Variants in CACNA1B observed in about 807,000 individuals in gnomAD.
CACNA1B encodes calcium voltage-gated channel subunit alpha1 B.
Under a neutral mutation model 247.2 loss-of-function variants are expected in CACNA1B, and 70 were observed. The observed-to-expected ratio is 0.28, with a 90% CI of 0.23 to 0.35. The LOEUF (loss-of-function observed/expected upper bound fraction) is 0.35, where lower values mean the gene tolerates loss of function less well. Among genes scored for constraint, CACNA1B ranks in the 10% least tolerant of loss-of-function variants. CACNA1B has a pLI of 1.00. For synonymous variants in CACNA1B, 1,231 were observed against 1,294.4 expected, an observed-to-expected ratio of 0.95 and a Z score of 1.05; for missense variants, 2,367 against 3,197.4, an observed-to-expected ratio of 0.74 and a Z score of 6.26.
At chr9:138,111,792 A>G (rs532693081) in intron 39 of CACNA1B, among the ~76,000 whole-genome samples, 6 of 147,964 alleles carry the variant, frequency 4.1e-5, no homozygotes, top group Non-Finnish European at 7.4e-5. Context: ...CAGCAGGGCC[A>G]GTGTACTCGG....
At chr9:137,908,676 G>T (rs1288830154) in intron 3 of CACNA1B, among the ~76,000 whole-genome samples, 1 of 151,802 alleles carries the variant, frequency 6.6e-6, no homozygotes, top group Non-Finnish European at 1.5e-5. Flanking sequence ...TGTCGCCCAG[G>T]CTTGACTGCA....
Position 137,974,730 on chromosome 9 carries a change from A to C in CACNA1B, c.1544-1177A>C, listed in dbSNP as rs1169074089. Among the ~76,000 whole-genome samples, 1 of 152,178 alleles carries C rather than the reference A, an allele frequency of 6.6e-6. No individual in the cohort carries two copies. Among genetic ancestry groups the C allele is most frequent in the Admixed American group, 6.5e-5 (1 of 15,278 alleles). ...GGTCCCGTGTCCCAACAGAGACTGT[A>C]GAGGGGGATTCAGAAGCCCTGGGAA... On this transcript the variant is annotated intron_variant, in intron 11 of 46. Coordinates refer to ENST00000371372, the MANE Select transcript of CACNA1B (RefSeq NM_000718.4). This position sits in a 1 kb window ranked among gnomAD's most constrained non-coding sequence, Gnocchi z 4.5.
Position 137,914,951 on chromosome 9 carries a change from A to G in CACNA1B, c.775+145A>G. The G allele has an allele frequency of 2.6e-6, 2 of 756,520 alleles. No individual in the cohort carries two copies. 46.9% of individuals were successfully genotyped at this position (756,520 alleles called of 1,614,324 possible). ...GACATTCTAGTGGGGGACATAGACG[A>G]TAGCCTGATAAACACAAGTAAATAA... is the stretch of plus-strand genomic sequence containing the variant. On this transcript the variant is annotated intron_variant, in intron 5 of 46. Coordinates refer to ENST00000371372, the MANE Select transcript of CACNA1B (RefSeq NM_000718.4). This position sits in a 1 kb window ranked among gnomAD's most constrained non-coding sequence, Gnocchi z 4.3.
rs186678760 is a variant in CACNA1B, at chr9:137,993,710, A to G, written c.1974+6856A>G. The stretch of plus-strand genomic sequence containing the variant: ...GCGAGATTGAAATGGTAATAAAAAA[A>G]TTACGAACAAAATAAAGTCCAGGAC... On this transcript the variant is annotated intron_variant, in intron 15 of 46. Coordinates refer to ENST00000371372, the MANE Select transcript of CACNA1B (RefSeq NM_000718.4). Among the ~76,000 whole-genome samples, 40 of 152,310 alleles carry G rather than the reference A, an allele frequency of 2.6e-4. No individual in the cohort carries two copies. In the East Asian group the frequency reaches 6.0e-3, roughly 23 times the overall value.
intron 10 of CACNA1B, among the ~76,000 whole-genome samples, chr9:137,964,649 C>G (rs531579089): frequency 2.4e-4 from 37 of 152,302 alleles, no homozygotes; most frequent in African/African-American, 8.7e-4. Flanking sequence ...CTCTTATAGC[C>G]TCATAAGTGA....
In CACNA1B at chr9:138,057,942, C is replaced by G; in HGVS notation, c.4106+73C>G. 2 of 1,575,194 alleles carry G rather than the reference C, an allele frequency of 1.3e-6. No homozygotes were observed. Among genetic ancestry groups the G allele is most frequent in the Non-Finnish European group, 1.7e-6 (2 of 1,150,182 alleles). ...CTCGGCCTCCCTTCCTCCCTCTATC[C>G]CTGGGCTCAGGCATGGAAGCAGACC... On this transcript the variant is annotated intron_variant, in intron 27 of 46. Coordinates refer to ENST00000371372, the MANE Select transcript of CACNA1B (RefSeq NM_000718.4). This position sits in a 1 kb window ranked among gnomAD's most constrained non-coding sequence, Gnocchi z 4.0.
At chr9:137,943,604 C>T (rs1017408286) in intron 6 of CACNA1B, among the ~76,000 whole-genome samples, 4 of 151,802 alleles carry the variant, frequency 2.6e-5, no homozygotes, top group African/African-American at 7.3e-5. Flanking sequence ...ATGACGAATG[C>T]GGGAATAAAG....
chr9:138,013,086 T>C (rs1564237859), intron 17 of CACNA1B, 43 bp from the exon 18 acceptor site: 6 of 1,455,270 alleles, frequency 4.1e-6, no homozygotes, highest in Middle Eastern at 3.5e-4. Context: ...AGAGTGGCTA[T>C]AACACTGTGA....
At chr9:138,021,807 G>A (rs1039493465) in intron 18 of CACNA1B, among the ~76,000 whole-genome samples, 4 of 152,230 alleles carry the variant, frequency 2.6e-5, no homozygotes, top group Admixed American at 6.5e-5. Context: ...TGGGCACTGC[G>A]CCCAGAGCAC....
At chr9:138,083,109 C>T (rs1437999417) in intron 36 of CACNA1B, among the ~76,000 whole-genome samples, 2 of 150,830 alleles carry the variant, frequency 1.3e-5, no homozygotes, top group Admixed American at 1.3e-4. Context: ...TGCCTGGGGT[C>T]CACACACCTG....
chr9:137,902,210 C>T (rs1957247895), intron 3 of CACNA1B, among the ~76,000 whole-genome samples: 1 of 152,104 alleles, frequency 6.6e-6, no homozygotes, highest in African/African-American at 2.4e-5. Flanking sequence ...TTGGAAATTT[C>T]TCCATTAACG....
intron 6 of CACNA1B, among the ~76,000 whole-genome samples, chr9:137,931,219 T>A (rs1268081960): frequency 6.6e-6 from 1 of 152,082 alleles, no homozygotes; most frequent in Non-Finnish European, 1.5e-5. Flanking sequence ...GTACATTCCA[T>A]AGTGTGGGAT....
chr9:137,967,245 G>A (rs1269723929), intron 10 of CACNA1B, among the ~76,000 whole-genome samples: 9 of 152,108 alleles, frequency 5.9e-5, no homozygotes, highest in Admixed American at 5.9e-4. Context: ...GTACCAAGAT[G>A]TACTAGTTCC....
intron 3 of CACNA1B, among the ~76,000 whole-genome samples, chr9:137,885,229 T>A (rs1375790893): frequency 9.9e-5 from 15 of 151,618 alleles, no homozygotes; most frequent in Non-Finnish European, 2.1e-4. Flanking sequence ...GTGATCTGTG[T>A]CCCACGGGGC....
chr9:138,105,611 C>A, intron 38 of CACNA1B, 88 bp from the exon 39 acceptor site: 2 of 737,460 alleles, frequency 2.7e-6, no homozygotes, highest in Non-Finnish European at 4.7e-6. Context: ...ATGCCCAGCC[C>A]AGCATCCAGG....
At chr9:137,981,264 T>A (rs1025409339) in intron 12 of CACNA1B, among the ~76,000 whole-genome samples, 18 of 152,218 alleles carry the variant, frequency 1.2e-4, no homozygotes, top group Admixed American at 7.2e-4. Flanking sequence ...TTCCATATCT[T>A]TGCTGAGACC....
intron 34 of CACNA1B, among the ~76,000 whole-genome samples, chr9:138,074,532 C>T (rs897607918): frequency 2.6e-5 from 4 of 152,228 alleles, no homozygotes; most frequent in Admixed American, 6.5e-5. Context: ...TGAGCCACCG[C>T]GCCTGGCCTA....
intron 20 of CACNA1B, among the ~76,000 whole-genome samples, chr9:138,030,235 T>C (rs1452324205): frequency 1.3e-5 from 2 of 152,144 alleles, no homozygotes; most frequent in East Asian, 1.9e-4. Context: ...TTTGTTTTGT[T>C]TTTTGGTAGA....
chr9:137,901,686 ATTT>A (rs57624388), intron 3 of CACNA1B, among the ~76,000 whole-genome samples: 27,259 of 112,006 alleles, frequency 0.24, 3,560 homozygotes, highest in East Asian at 0.56. Context: ...TTTTTTTGTG[ATTT>A]TTTTTTTTTT....
Sources: allele counts gnomAD v4.1 joint callset (sites outside exome capture counted in the v4.1 genomes callset), GRCh38; gene constraint gnomAD v4.1.1; non-coding constraint Gnocchi (gnomAD v3.1); transcripts MANE v1.5; gene names NCBI Gene and HGNC (gene_info 2026-07-23, HGNC 2026-07-21).